The following ZNF573 variants were observed in gnomAD, a reference collection of about 807,000 sequenced individuals.
ZNF573 encodes the protein zinc finger protein 573.
In ZNF573, 41 loss-of-function variants were observed where a neutral mutation model predicts 57.4. The observed-to-expected ratio is 0.71, with a 90% CI of 0.56 to 0.93. The LOEUF is 0.93. ZNF573 is among the 40% of genes least tolerant of loss of function. The pLI is 0.00. For missense variants in ZNF573, 730 were observed against 794.8 expected, an observed-to-expected ratio of 0.92 and a Z score of 0.98; for synonymous variants, 249 against 261.0, an observed-to-expected ratio of 0.95 and a Z score of 0.44.
At chr19:37,747,831 C>T (rs942623516) in intron 4 of ZNF573, among the ~76,000 whole-genome samples, 2 of 152,034 alleles carry the variant, frequency 1.3e-5, no homozygotes, top group Admixed American at 6.6e-5. Flanking sequence ...GGACTACAGG[C>T]GCCTGACACC....
chr19:37,754,066 G>A (rs1309681481), intron 4 of ZNF573, among the ~76,000 whole-genome samples: 1 of 152,126 alleles, frequency 6.6e-6, no homozygotes, highest in African/African-American at 2.4e-5. Context: ...ATAAAAGGGA[G>A]TAAAAGATAA....
chr19:37,772,372 A>T (rs893004464), intron 2 of ZNF573, among the ~76,000 whole-genome samples: 3 of 151,774 alleles, frequency 2.0e-5, no homozygotes, highest in African/African-American at 7.3e-5. Flanking sequence ...GGCTCAAGCA[A>T]TCCGCCTGCC....
chr19:37,756,896 C>T (rs1280008698), intron 4 of ZNF573, among the ~76,000 whole-genome samples: 1 of 151,736 alleles, frequency 6.6e-6, no homozygotes, highest in East Asian at 1.9e-4. Context: ...AATGAGCCAA[C>T]AAATTATCTT....
chr19:37,750,603 G>A (rs1249334641), intron 4 of ZNF573, among the ~76,000 whole-genome samples: 1 of 152,076 alleles, frequency 6.6e-6, no homozygotes, highest in Non-Finnish European at 1.5e-5. Context: ...GTTAATACAT[G>A]CAGAAAGAAT....
At chr19:37,742,329 T>C (rs1238295983) in intron 4 of ZNF573, among the ~76,000 whole-genome samples, 4 of 152,154 alleles carry the variant, frequency 2.6e-5, no homozygotes, top group Non-Finnish European at 2.9e-5. Context: ...AAAACTGTTT[T>C]AAATTTTATA....
intron 4 of ZNF573, among the ~76,000 whole-genome samples, chr19:37,761,291 T>C (rs943290378): frequency 6.6e-6 from 1 of 151,980 alleles, no homozygotes; most frequent in Non-Finnish European, 1.5e-5. Context: ...GGAGGAGAAA[T>C]AGGATATCTG....
chr19:37,742,407 T>A (rs1002366171), intron 4 of ZNF573, among the ~76,000 whole-genome samples: 3 of 152,176 alleles, frequency 2.0e-5, no homozygotes, highest in Admixed American at 2.0e-4. Context: ...GGAGGCATCA[T>A]GCTACCTGAC....
chr19:37,738,928 G>A lies in ZNF573; in HGVS notation c.1562C>T (p.Thr521Ile). 1.2e-6 allele frequency: 2 copies of A among 1,610,384 alleles called. No individual in the cohort carries two copies. The highest frequency in any genetic ancestry group is 1.7e-6 in the Non-Finnish European group (2 of 1,176,842). ...CTTACATTCATAGGGTTTCATACCA[G>A]TATGAATTTTCTGATGTTGATTAAG... ...GYLNQHQKIHTGMKPYECKVC... is the reference protein window; with the variant it reads ...GYLNQHQKIHIGMKPYECKVC... Residue 521 changes from threonine (T) to isoleucine (I), a missense_variant, in exon 5 of 5, where the codon ACT becomes ATT. Coordinates refer to ENST00000536220, the MANE Select transcript of ZNF573 (RefSeq NM_001172690.2).
intron 4 of ZNF573, among the ~76,000 whole-genome samples, chr19:37,769,151 G>A (rs1051328250): frequency 9.9e-5 from 15 of 151,506 alleles, no homozygotes; most frequent in African/African-American, 3.6e-4. Context: ...TTTAAGTAGA[G>A]ACGGGGTTTC....
chr19:37,749,881 C>A (rs908110463), intron 4 of ZNF573, among the ~76,000 whole-genome samples: 9 of 152,106 alleles, frequency 5.9e-5, no homozygotes, highest in Non-Finnish European at 1.2e-4. Context: ...AAAGTAGCCA[C>A]TGCAAAATCA....
At chr19:37,744,740 CAAAA>C (rs1193916273) in intron 4 of ZNF573, among the ~76,000 whole-genome samples, 2 of 38,630 alleles carry the variant, frequency 5.2e-5, no homozygotes. Context: ...GACCCTATCT[CAAAA>C]AAAAAAAAAA....
At chr19:37,755,024 C>T (rs901703096) in intron 4 of ZNF573, among the ~76,000 whole-genome samples, 1 of 152,088 alleles carries the variant, frequency 6.6e-6, no homozygotes, top group African/African-American at 2.4e-5. Flanking sequence ...GGCTGGAGTG[C>T]AGTGGCTCCA....
At position 37,765,767 on chromosome 19, in the gene ZNF573, G is replaced by A. The variant is rs558561840; in HGVS notation, c.295+4238C>T. On this transcript the variant is annotated intron_variant, in intron 4 of 4. Transcript: ENST00000536220. ...ATGAAGGATCCTAGGGGCCAGGCAC[G>A]GTGGCTCATGTCTGTAATCCTAACA... is the stretch of plus-strand genomic sequence containing the variant. Among the ~76,000 whole-genome samples the A allele has an allele frequency of 5.9e-5, 9 of 152,072 alleles. No homozygotes were observed. The South Asian group carries it at 6.2e-4, about 11-fold the overall frequency.
chr19:37,768,130 G>A (rs2045619016), intron 4 of ZNF573, among the ~76,000 whole-genome samples: 1 of 152,104 alleles, frequency 6.6e-6, no homozygotes, highest in Non-Finnish European at 1.5e-5. Context: ...TCCTGACACG[G>A]CTGTGGTGAC....
intron 4 of ZNF573, among the ~76,000 whole-genome samples, chr19:37,757,008 C>G (rs2045494386): frequency 6.6e-6 from 1 of 151,686 alleles, no homozygotes; most frequent in Non-Finnish European, 1.5e-5. Flanking sequence ...CACTGTACAT[C>G]TGAACTAGTG....
intron 4 of ZNF573, among the ~76,000 whole-genome samples, chr19:37,758,885 A>C (rs2045524314): frequency 6.6e-6 from 1 of 152,202 alleles, no homozygotes; most frequent in South Asian, 2.1e-4. Context: ...AAGTAAGTCC[A>C]ACTCAAAATA....
intron 4 of ZNF573, among the ~76,000 whole-genome samples, chr19:37,768,525 AC>A (rs2045621973): frequency 6.6e-6 from 1 of 152,072 alleles, no homozygotes; most frequent in African/African-American, 2.4e-5. Context: ...GTGACCTTAT[AC>A]CATGTCTCTT....
intron 4 of ZNF573, among the ~76,000 whole-genome samples, chr19:37,748,460 C>T (rs529772803): frequency 1.2e-4 from 18 of 150,260 alleles, no homozygotes; most frequent in African/African-American, 2.8e-4. Context: ...CAAACAAAAA[C>T]GATCATTACG....
chr19:37,752,915 A>G (rs2045452048), intron 4 of ZNF573, among the ~76,000 whole-genome samples: 2 of 152,206 alleles, frequency 1.3e-5, no homozygotes, highest in South Asian at 2.1e-4. Flanking sequence ...GATTACAAGT[A>G]TGAGCCATGG....
Sources: allele counts gnomAD v4.1 joint callset (sites outside exome capture counted in the v4.1 genomes callset), GRCh38; gene constraint gnomAD v4.1.1; transcripts MANE v1.5; gene names NCBI Gene and HGNC (gene_info 2026-07-23, HGNC 2026-07-21).